The following COL11A2 variants were observed in gnomAD, a reference collection of about 807,000 sequenced individuals.
COL11A2 encodes collagen type XI alpha 2 chain, also known as collagen alpha-2(XI) chain.
Under a neutral mutation model 273.4 loss-of-function variants are expected in COL11A2, and 116 were observed. The ratio of observed to expected loss-of-function variants is 0.42; its 90% CI spans 0.36 to 0.49. COL11A2 has a LOEUF of 0.49. Among genes scored for constraint, COL11A2 ranks in the 20% least tolerant of loss-of-function variants. The probability of loss-of-function intolerance (pLI) is 0.00; values close to 1 mark genes in which losing one functional copy is unlikely to be tolerated. For missense variants in COL11A2, 1,866 were observed against 2,309.0 expected (o/e 0.81, Z 3.93); for synonymous variants, 782 against 864.2 (o/e 0.90, Z 1.67).
chr6:33,184,334 G>A lies in COL11A2; in HGVS notation c.940-10C>T, dbSNP rs773460713. On this transcript the variant is annotated splice_polypyrimidine_tract_variant and intron_variant, in intron 7 of 65. Transcript: ENST00000341947. ...GGAGATCTGTCTGCTCCTTCCCAGG[G>A]ATGGGGAGGGAGAGGGGTAGATGGG... 2 of 1,362,280 alleles carry A rather than the reference G, an allele frequency of 1.5e-6. No individual in the cohort carries two copies. Among genetic ancestry groups the A allele is most frequent in the Middle Eastern group, 2.1e-4 (1 of 4,774 alleles). The allele number at this position is 1,362,280 out of a possible 1,614,324, so 84.4% of individuals were successfully genotyped here.
chr6:33,169,606 T>C lies in COL11A2; in HGVS notation c.3691-116A>G, dbSNP rs1168130036. 2.6e-6 allele frequency: 3 copies of C among 1,153,756 alleles called. No homozygotes were observed. Among genetic ancestry groups the C allele is most frequent in the South Asian group, 1.3e-5 (1 of 78,522 alleles). The allele number at this position is 1,153,756 out of a possible 1,614,324, so 71.5% of individuals were successfully genotyped here. A position where few individuals can be genotyped will look rare whatever the true frequency, so the allele number is the denominator to read the frequency against. ...TACTCCCCTCAGTGACAATGGGACA[T>C]ACACAGAAAGTCAAGCCTACAAGGG... On this transcript the variant is annotated intron_variant, in intron 50 of 65. Coordinates refer to ENST00000341947, the MANE Select transcript of COL11A2 (RefSeq NM_080680.3). This position sits in a 1 kb window ranked among gnomAD's most constrained non-coding sequence, Gnocchi z 5.5.
At position 33,179,562 on chromosome 6, in the gene COL11A2, C is replaced by T. The variant is rs1274389106; in HGVS notation, c.1447-75G>A. The T allele has an allele frequency of 6.8e-6, 10 of 1,465,684 alleles. No individual in the cohort carries two copies. Among genetic ancestry groups the T allele is most frequent in the Non-Finnish European group, 9.3e-6 (10 of 1,070,020 alleles). The allele number at this position is 1,465,684 out of a possible 1,614,324, so 90.8% of individuals were successfully genotyped here. On this transcript the variant is annotated intron_variant, in intron 13 of 65. Transcript: ENST00000341947. The surrounding 1 kb of genome is among the most constrained non-coding windows in gnomAD (Gnocchi z 6.4). ...CCAGCCCCAGCACTCTCCAAATTCACCCTTCCTCTCCTGATCCTCATCCAC... is the reference window on the plus strand; with the variant it reads ...CCAGCCCCAGCACTCTCCAAATTCATCCTTCCTCTCCTGATCCTCATCCAC...
intron 3 of COL11A2, 56 bp downstream of exon 3, chr6:33,188,922 G>C: frequency 1.3e-6 from 2 of 1,584,752 alleles, no homozygotes; most frequent in Non-Finnish European, 1.7e-6. Flanking sequence ...AGGGGTTTGG[G>C]GGCACTTCCT....
Position 33,189,446 on chromosome 6 carries a change from G to T in COL11A2, c.106C>A (p.Arg36=). 1 of 1,613,066 alleles carries T rather than the reference G, an allele frequency of 6.2e-7. No individual in the cohort carries two copies. The highest frequency in any genetic ancestry group is 8.5e-7 in the Non-Finnish European group (1 of 1,180,028). ...WAGAPPVDVL[R]ALRFPSLPDG... is the part of the protein sequence containing the mutation. ...GGGAGGGAGGGGAACCTCAGGGCCC[G>T]GAGCACATCCACAGGGGGTGCACCT... Residue 36 remains arginine (R), a synonymous_variant, in exon 2 of 66, where the codon CGG becomes AGG. Coordinates refer to ENST00000341947, the MANE Select transcript of COL11A2 (RefSeq NM_080680.3). This position sits in a 1 kb window ranked among gnomAD's most constrained non-coding sequence, Gnocchi z 5.6.
Position 33,179,834 on chromosome 6 carries a change from C to A in COL11A2, c.1360-29G>T. On this transcript the variant is annotated intron_variant, in intron 12 of 65. Coordinates refer to ENST00000341947, the MANE Select transcript of COL11A2 (RefSeq NM_080680.3). This position sits in a 1 kb window ranked among gnomAD's most constrained non-coding sequence, Gnocchi z 6.4. ...AGGTCAAGGAGAGAAGGTCCAGGTT[C>A]TCTTCCAAGAAAGCCATGGGACCCT... 6.3e-7 allele frequency: 1 copy of A among 1,599,564 alleles called. No individual in the cohort carries two copies.
In COL11A2 at chr6:33,167,189, C is replaced by T; in HGVS notation, c.4177-66G>A. ...GGACCAAGTTCTCCCCAACAGCCTCCACTTCCTCCAGGGCTTCAGCTCTGT... is the reference window on the plus strand; with the variant it reads ...GGACCAAGTTCTCCCCAACAGCCTCTACTTCCTCCAGGGCTTCAGCTCTGT... On this transcript the variant is annotated intron_variant, in intron 57 of 65. Coordinates refer to ENST00000341947, the MANE Select transcript of COL11A2 (RefSeq NM_080680.3). The surrounding 1 kb of genome is among the most constrained non-coding windows in gnomAD (Gnocchi z 6.1). The T allele has an allele frequency of 6.2e-7, 1 of 1,613,674 alleles. No homozygotes were observed.
Position 33,169,100 on chromosome 6 carries a change from G to A in COL11A2, c.3799-92C>T. On this transcript the variant is annotated intron_variant, in intron 51 of 65. Coordinates refer to ENST00000341947, the MANE Select transcript of COL11A2 (RefSeq NM_080680.3). The surrounding 1 kb of genome is among the most constrained non-coding windows in gnomAD (Gnocchi z 5.5). ...AGGCACACGCCACTGCCTCTCTAGA[G>A]GCAGTGCCCACCAGTACCCCCCAGG... 1 of 1,291,608 alleles carries A rather than the reference G, an allele frequency of 7.7e-7. No homozygotes were observed. The highest frequency in any genetic ancestry group is 1.1e-6 in the Non-Finnish European group (1 of 929,388). The allele number at this position is 1,291,608 out of a possible 1,614,324, so 80.0% of individuals were successfully genotyped here.
At position 33,173,964 on chromosome 6, in the gene COL11A2, G is replaced by T. The variant is rs753766442; in HGVS notation, c.2530-38C>A. 7 of 1,613,940 alleles carry T rather than the reference G, an allele frequency of 4.3e-6. No individual in the cohort carries two copies. The South Asian group carries it at 7.7e-5, about 18-fold the overall frequency. ...GAGGAGTTGTCAGAGAAACCCAAAT[G>T]CCCCCCTCTGGACCTTGAGCCACCT... On this transcript the variant is annotated intron_variant, in intron 33 of 65. Coordinates refer to ENST00000341947, the MANE Select transcript of COL11A2 (RefSeq NM_080680.3). The surrounding 1 kb of genome is among the most constrained non-coding windows in gnomAD (Gnocchi z 6.3).
At chr6:33,168,820 C>T in intron 52 of COL11A2, 61 bp from the exon 53 acceptor site, 2 of 1,603,682 alleles carry the variant, frequency 1.2e-6, no homozygotes, top group Non-Finnish European at 1.7e-6. Context: ...ACCTCCAAAA[C>T]TGTCAATACC....
rs971645722 is a variant in COL11A2, at chr6:33,190,566, G to A, written c.83-1097C>T. 6.6e-6 allele frequency among the ~76,000 whole-genome samples: 1 copy of A among 151,966 alleles called. No homozygotes were observed. The highest frequency in any genetic ancestry group is 2.4e-5 in the African/African-American group (1 of 41,354). ...AGCAAAACTTTCATAGAAGTGTGGGGCAGGGCAGAGGCCAGAGCAATCAGG... is the reference window on the plus strand; with the variant it reads ...AGCAAAACTTTCATAGAAGTGTGGGACAGGGCAGAGGCCAGAGCAATCAGG... On this transcript the variant is annotated intron_variant, in intron 1 of 65. Transcript: ENST00000341947. The surrounding 1 kb of genome is among the most constrained non-coding windows in gnomAD (Gnocchi z 4.5).
In COL11A2 at chr6:33,169,372, C is replaced by T; in HGVS notation, c.3798+11G>A. On this transcript the variant is annotated intron_variant, in intron 51 of 65. Transcript: ENST00000341947. The surrounding 1 kb of genome is among the most constrained non-coding windows in gnomAD (Gnocchi z 5.5). ...CCTGAGAGGACTCAGCCCCCACTGC[C>T]CCAAACTCACAGGGTTCCCTTTGGG... 1.2e-6 allele frequency: 2 copies of T among 1,611,132 alleles called. No individual in the cohort carries two copies. Among genetic ancestry groups the T allele is most frequent in the Middle Eastern group, 3.3e-4 (2 of 6,062 alleles).
rs1424251793 is a variant in COL11A2 at position 33,166,882 on chromosome 6, G to T, written c.4231-55C>A. 5.7e-6 allele frequency: 9 copies of T among 1,581,058 alleles called. No individual in the cohort carries two copies. The highest frequency in any genetic ancestry group is 1.3e-5 in the African/African-American group (1 of 74,160). ...TGCAAAGAGGAGTCATGTGGATGGG[G>T]GAGAAGGGCCAAGAGGACATGGAGA... On this transcript the variant is annotated intron_variant, in intron 58 of 65. Transcript: ENST00000341947. The surrounding 1 kb of genome is among the most constrained non-coding windows in gnomAD (Gnocchi z 4.8).
In COL11A2 at chr6:33,173,760, A is replaced by C; in HGVS notation, c.2584-15T>G. On this transcript the variant is annotated splice_polypyrimidine_tract_variant and intron_variant, in intron 34 of 65. Transcript: ENST00000341947. This position sits in a 1 kb window ranked among gnomAD's most constrained non-coding sequence, Gnocchi z 6.3. ...CCAGATGTTCCCTGTGGGGGGAAAC[A>C]GAGTCAAGGAGTGGGAAGAGCTGCT... is the stretch of plus-strand genomic sequence containing the variant. The C allele has an allele frequency of 6.3e-7, 1 of 1,598,776 alleles. No individual in the cohort carries two copies. The highest frequency in any genetic ancestry group is 8.5e-7 in the Non-Finnish European group (1 of 1,169,778).
rs770113773 is a variant in COL11A2 at position 33,172,096 on chromosome 6, G to C, written c.2996C>G (p.Pro999Arg). The C allele has an allele frequency of 1.2e-6, 2 of 1,612,906 alleles. No homozygotes were observed. The highest frequency in any genetic ancestry group is 1.7e-6 in the Non-Finnish European group (2 of 1,179,992). ...ERGLPGTAGGPGLKGNEGPSG... is the reference protein window; with the variant it reads ...ERGLPGTAGGRGLKGNEGPSG... ...CGGACCTTCATTCCCCTTCAAACCA[G>C]GTCCACCCTATGAACCAGACATTTG... Residue 999 changes from proline to arginine, a missense_variant, in exon 41 of 66, where the codon CCT becomes CGT. Physicochemically the swap from Pro to Arg is moderately radical, Grantham distance 103. Coordinates refer to ENST00000341947, the MANE Select transcript of COL11A2 (RefSeq NM_080680.3).
Position 33,165,439 on chromosome 6 carries a change from C to G in COL11A2, c.4750+110G>C, listed in dbSNP as rs1379214597. ...ATAGCTGCAGTTCCCAGCCCCTCAG[C>G]CCTCACCCTTAACCCAACACCTTCA... On this transcript the variant is annotated intron_variant, in intron 63 of 65. Transcript: ENST00000341947. The surrounding 1 kb of genome is among the most constrained non-coding windows in gnomAD (Gnocchi z 7.7). 1 of 1,526,608 alleles carries G rather than the reference C, an allele frequency of 6.6e-7. No homozygotes were observed. The highest frequency in any genetic ancestry group is 1.4e-5 in the African/African-American group (1 of 73,514). 94.6% of individuals were successfully genotyped at this position (1,526,608 alleles called of 1,614,324 possible).
rs1256553606 is a variant in COL11A2 at position 33,163,588 on chromosome 6, A to G, written c.*90T>C. 1 of 1,586,262 alleles carries G rather than the reference A, an allele frequency of 6.3e-7. No homozygotes were observed. The highest frequency in any genetic ancestry group is 2.2e-5 in the East Asian group (1 of 44,702). On this transcript the variant is annotated 3_prime_UTR_variant, in exon 66 of 66. Transcript: ENST00000341947. The surrounding 1 kb of genome is among the most constrained non-coding windows in gnomAD (Gnocchi z 4.1). ...CTGGCCCAGGGCTCCCTAGATAGTGAGGAGCCCTCTTGGGAGGTGGCACAG... is the reference window on the plus strand; with the variant it reads ...CTGGCCCAGGGCTCCCTAGATAGTGGGGAGCCCTCTTGGGAGGTGGCACAG...
chr6:33,179,444 C>T lies in COL11A2; in HGVS notation c.1490G>A (p.Arg497His), dbSNP rs776761577. The change falls in exon 14 of 66, where the codon CGC (arginine) becomes CAC (histidine). Residue 497 changes from arginine to histidine, a missense_variant. Transcript: ENST00000341947. This position sits in a 1 kb window ranked among gnomAD's most constrained non-coding sequence, Gnocchi z 6.4. The stretch of plus-strand genomic sequence containing the variant: ...CTGCTCACTCACCAAGGGTCCAGGG[C>T]GCCCTGTGTATCCCATGGGGCCAGG... ...GPPGPMGYTG[R>H]PGPLGQPGSP... is the part of the protein sequence containing the mutation. 1.4e-5 allele frequency: 22 copies of T among 1,568,956 alleles called. No individual in the cohort carries two copies. Among genetic ancestry groups the T allele is most frequent in the East Asian group, 9.4e-5 (4 of 42,696 alleles).
rs568289414 is a variant in COL11A2 at position 33,164,749 on chromosome 6, G to A, written c.4863+103C>T. The stretch of plus-strand genomic sequence containing the variant: ...GTGGAGAAGGGGTGGCAGGCTCCGG[G>A]GGGGGCAACAGCCAGGGGACTGTCA... On this transcript the variant is annotated intron_variant, in intron 64 of 65. Coordinates refer to ENST00000341947, the MANE Select transcript of COL11A2 (RefSeq NM_080680.3). This position sits in a 1 kb window ranked among gnomAD's most constrained non-coding sequence, Gnocchi z 4.7. 20 of 1,009,244 alleles carry A rather than the reference G, an allele frequency of 2.0e-5. No individual in the cohort carries two copies. Among genetic ancestry groups the A allele is most frequent in the Non-Finnish European group, 2.6e-5 (17 of 664,614 alleles). 62.5% of individuals were successfully genotyped at this position (1,009,244 alleles called of 1,614,324 possible). A position where few individuals can be genotyped will look rare whatever the true frequency, so the allele number is the denominator to read the frequency against.
chr6:33,171,801 C>T lies in COL11A2; in HGVS notation c.3062G>A (p.Gly1021Asp). ...AATGGGTCCCCCTGATCCTGCTGCA[C>T]CTCGTTCCCCAGGGGAGCCCTGAGA... ...PGPAGSPGERGAAGSGGPIGP... is the reference protein window; with the variant it reads ...PGPAGSPGERDAAGSGGPIGP... Residue 1021 changes from glycine to aspartate, a missense_variant, in exon 42 of 66, where the codon GGT (glycine) becomes GAT (aspartate). Coordinates refer to ENST00000341947, the MANE Select transcript of COL11A2 (RefSeq NM_080680.3). 1 of 1,612,956 alleles carries T rather than the reference C, an allele frequency of 6.2e-7. No homozygotes were observed. The highest frequency in any genetic ancestry group is 8.5e-7 in the Non-Finnish European group (1 of 1,179,974).
Sources: gnomAD v4.1 joint callset for allele counts (sites outside exome capture counted in the v4.1 genomes callset) on GRCh38, gnomAD v4.1.1 for gene constraint, Gnocchi (gnomAD v3.1) non-coding constraint, MANE v1.5 for transcripts, NCBI Gene and HGNC (gene_info 2026-07-23, HGNC 2026-07-21) for gene names.